ADAMDEC1: variants seen among roughly 807,000 people sequenced by gnomAD.
The protein encoded by ADAMDEC1 is ADAM DEC1.
A neutral mutation model predicts 60.4 loss-of-function variants in ADAMDEC1; 62 were observed. That is an observed-to-expected ratio of 1.03 (90% CI 0.84 to 1.27). The LOEUF is 1.27. ADAMDEC1 is among the 50% of genes most tolerant of loss of function. ADAMDEC1 has a pLI of 0.00. For synonymous variants in ADAMDEC1, 210 were observed against 195.1 expected (o/e 1.08, Z -0.64); for missense variants, 595 against 565.0 (o/e 1.05, Z -0.54).
chr8:24,384,722 T>A, intron 1 of ADAMDEC1, 130 bp downstream of exon 1: 2 of 794,910 alleles, frequency 2.5e-6, no homozygotes, highest in Non-Finnish European at 3.9e-6. Flanking sequence ...TTTGGTAGAT[T>A]TTCTACCTCT....
chr8:24,400,978 T>C (rs978052840), intron 11 of ADAMDEC1, among the ~76,000 whole-genome samples: 1 of 150,260 alleles, frequency 6.7e-6, no homozygotes, highest in Non-Finnish European at 1.5e-5. Context: ...ATCATTTTTT[T>C]ATGGCTGCAT....
Position 24,402,079 on chromosome 8 carries a change from G to A in ADAMDEC1, c.1307G>A (p.Cys436Tyr), listed in dbSNP as rs1345607726. The A allele has an allele frequency of 1.2e-6, 2 of 1,610,064 alleles. No individual in the cohort carries two copies. The highest frequency in any genetic ancestry group is 2.7e-5 in the African/African-American group (2 of 74,756). Residue 436 changes from cysteine (C) to tyrosine (Y), a missense_variant, in exon 12 of 14, where the codon TGT (cysteine) becomes TAT (tyrosine). By Grantham distance (194) the Cys-to-Tyr change is radical. Coordinates refer to ENST00000256412, the MANE Select transcript of ADAMDEC1 (RefSeq NM_014479.3). ...HLLEVGEDCD[C>Y]GSPKECTNLC... ...CTAGAAGTGGGAGAAGACTGTGATT[G>A]TGGCTCTCCTAAGGTATTATTTATT...
At chr8:24,400,762 A>G (rs1433855060) in intron 11 of ADAMDEC1, among the ~76,000 whole-genome samples, 1 of 149,220 alleles carries the variant, frequency 6.7e-6, no homozygotes, top group Non-Finnish European at 1.5e-5. Flanking sequence ...AGCATTAGGT[A>G]TATCTCCTAA....
chr8:24,384,609 C>T lies in ADAMDEC1; in HGVS notation c.88+17C>T. Reference sequence around the variant, plus strand: ...AAACTCAAGGTACGTACCATCACACCAGCATTTTACATAAAAGTCAAATTA... The same window carrying T: ...AAACTCAAGGTACGTACCATCACACTAGCATTTTACATAAAAGTCAAATTA... On this transcript the variant is annotated intron_variant, in intron 1 of 13. Coordinates refer to ENST00000256412, the MANE Select transcript of ADAMDEC1 (RefSeq NM_014479.3). The T allele has an allele frequency of 6.3e-7, 1 of 1,583,244 alleles. No individual in the cohort carries two copies. The highest frequency in any genetic ancestry group is 8.6e-7 in the Non-Finnish European group (1 of 1,167,240).
At position 24,397,765 on chromosome 8, in the gene ADAMDEC1, C is replaced by G. The variant is rs116396613; in HGVS notation, c.690+20C>G. ...GCCTTTGTGAGTATGAAACACACGG[C>G]CCTCTCGGCCAGTTCAGTCACCCTT... On this transcript the variant is annotated intron_variant, in intron 7 of 13. Transcript: ENST00000256412. 5,092 of 1,606,626 alleles carry G rather than the reference C, an allele frequency of 3.2e-3. 144 individuals carry two copies. In the African/African-American group the frequency reaches 0.061, roughly 19 times the overall value.
intron 11 of ADAMDEC1, among the ~76,000 whole-genome samples, chr8:24,401,350 A>C (rs570377168): frequency 6.6e-6 from 1 of 152,312 alleles, no homozygotes; most frequent in African/African-American, 2.4e-5. Context: ...TGATGACAGG[A>C]TCTTCTTATA....
chr8:24,394,485 C>A (rs1817554774), intron 4 of ADAMDEC1, among the ~76,000 whole-genome samples: 1 of 152,126 alleles, frequency 6.6e-6, no homozygotes, highest in Non-Finnish European at 1.5e-5. Context: ...CCTCTTGTCA[C>A]TATTTACTAT....
chr8:24,392,207 G>A (rs1817462186), intron 1 of ADAMDEC1, 55 bp from the exon 2 acceptor site: 6 of 1,371,254 alleles, frequency 4.4e-6, no homozygotes, highest in Admixed American at 4.0e-5. Flanking sequence ...AACACAACAC[G>A]ACTAAAACCA....
At chr8:24,399,298 C>G in intron 9 of ADAMDEC1, 95 bp from the exon 10 acceptor site, 1 of 1,312,442 alleles carries the variant, frequency 7.6e-7, no homozygotes, top group East Asian at 2.3e-5. Flanking sequence ...TATAAAAAGG[C>G]TAGGGCAGCG....
At chr8:24,399,770 G>T (rs568044560) in intron 10 of ADAMDEC1, among the ~76,000 whole-genome samples, 6 of 152,108 alleles carry the variant, frequency 3.9e-5, no homozygotes, top group Non-Finnish European at 7.4e-5. Flanking sequence ...GCTAATACTA[G>T]TCATCCCCAG....
intron 1 of ADAMDEC1, chr8:24,387,812 C>T (rs930433269): frequency 6.6e-6 from 1 of 152,256 alleles, no homozygotes; most frequent in African/African-American, 2.4e-5. Flanking sequence ...GCATTCCTCA[C>T]ACAGGGCACC....
rs1817702660 is a variant in ADAMDEC1 at position 24,399,399 on chromosome 8, T to A, written c.936T>A (p.Ile312=). ...TCTGTAACTTTTCATACAGCGGGAT[T>A]AGCTTCAACAATCGACGTGTGGGAC... is the stretch of plus-strand genomic sequence containing the variant. ...IHDHAQLLSG[I]SFNNRRVGLA... The change falls in exon 10 of 14, where the codon ATT becomes ATA. Residue 312 remains isoleucine (I), a synonymous_variant. Coordinates refer to ENST00000256412, the MANE Select transcript of ADAMDEC1 (RefSeq NM_014479.3). 6.2e-7 allele frequency: 1 copy of A among 1,613,776 alleles called. No homozygotes were observed. The highest frequency in any genetic ancestry group is 1.3e-5 in the African/African-American group (1 of 75,042).
At chr8:24,388,133 G>C (rs929700568) in intron 1 of ADAMDEC1, 1 of 152,554 alleles carries the variant, frequency 6.6e-6, no homozygotes, top group Non-Finnish European at 1.5e-5. Flanking sequence ...ACACTCCCTG[G>C]TACCTACTTC....
chr8:24,395,920 G>A (rs117329771), intron 5 of ADAMDEC1, 124 bp downstream of exon 5: 2 of 685,150 alleles, frequency 2.9e-6, no homozygotes, highest in East Asian at 5.4e-5. Context: ...CTGAATATAT[G>A]TGGTTAAAGT....
At chr8:24,397,224 C>A (rs1292645400) in intron 5 of ADAMDEC1, 46 bp from the exon 6 acceptor site, 13 of 1,553,854 alleles carry the variant, frequency 8.4e-6, no homozygotes, top group Non-Finnish European at 9.6e-6. Flanking sequence ...GCAAATATGA[C>A]ACTGTGTGTC....
At chr8:24,405,007 C>T (rs1434656012) in intron 13 of ADAMDEC1, among the ~76,000 whole-genome samples, 1 of 152,078 alleles carries the variant, frequency 6.6e-6, no homozygotes, top group African/African-American at 2.4e-5. Context: ...GGTGAACATG[C>T]CCCTTACTGT....
chr8:24,392,183 A>G lies in ADAMDEC1; in HGVS notation c.89-79A>G, dbSNP rs1032234952. The G allele has an allele frequency of 3.1e-4, 326 of 1,067,410 alleles. 3 individuals are homozygous for G. The highest frequency in any genetic ancestry group is 7.3e-5 in the Non-Finnish European group (53 of 729,222). 66.1% of individuals were successfully genotyped at this position (1,067,410 alleles called of 1,614,324 possible). A position where few individuals can be genotyped will look rare whatever the true frequency, so the allele number is the denominator to read the frequency against. ...TCTTCACTGCTCTTTCAGCAACCCA[A>G]GAAATGAAAACAAAACACAACACGA... is the stretch of plus-strand genomic sequence containing the variant. On this transcript the variant is annotated intron_variant, in intron 1 of 13. Coordinates refer to ENST00000256412, the MANE Select transcript of ADAMDEC1 (RefSeq NM_014479.3).
At chr8:24,386,826 C>T (rs932289975) in intron 1 of ADAMDEC1, among the ~76,000 whole-genome samples, 6 of 152,150 alleles carry the variant, frequency 3.9e-5, no homozygotes, top group East Asian at 1.9e-4. Flanking sequence ...CCTGGCTGAC[C>T]GATGAAGTGA....
At position 24,400,048 on chromosome 8, in the gene ADAMDEC1, A is replaced by G. The variant is rs551422411; in HGVS notation, c.1012-122A>G. ...ATGCTCTTTCAACGTTTTGCAATAC[A>G]CAGTGACAGGGAAAGGAGCTAACAA... On this transcript the variant is annotated intron_variant, in intron 10 of 13. Coordinates refer to ENST00000256412, the MANE Select transcript of ADAMDEC1 (RefSeq NM_014479.3). 3.6e-5 allele frequency: 27 copies of G among 753,818 alleles called. No homozygotes were observed. In the South Asian group the frequency reaches 4.4e-4, roughly 12 times the overall value. 46.7% of individuals were successfully genotyped at this position (753,818 alleles called of 1,614,324 possible).
Sources: gnomAD v4.1 joint callset for allele counts (sites outside exome capture counted in the v4.1 genomes callset) on GRCh38, gnomAD v4.1.1 for gene constraint, MANE v1.5 for transcripts, NCBI Gene and HGNC (gene_info 2026-07-23, HGNC 2026-07-21) for gene names.